MIPEP: variants seen among roughly 807,000 people sequenced by gnomAD.
The protein encoded by MIPEP is mitochondrial intermediate peptidase.
Under a neutral mutation model 90.3 loss-of-function variants are expected in MIPEP, and 79 were observed. The ratio of observed to expected loss-of-function variants is 0.87; its 90% CI spans 0.73 to 1.05. MIPEP has a LOEUF of 1.05. Ranked by LOEUF, MIPEP falls within the 50% of genes least tolerant of loss-of-function variation. The pLI, the probability that MIPEP is intolerant of heterozygous loss-of-function variation, is 0.00. For synonymous variants in MIPEP, 334 were observed against 315.8 expected (o/e 1.06, Z -0.61); for missense variants, 940 against 905.6 (o/e 1.04, Z -0.49).
chr13:23,793,090 G>A (rs1952916515), intron 16 of MIPEP, among the ~76,000 whole-genome samples: 1 of 152,184 alleles, frequency 6.6e-6, no homozygotes, highest in Non-Finnish European at 1.5e-5. Context: ...ATTTCACTCA[G>A]CTAAAATGAA....
intron 13 of MIPEP, among the ~76,000 whole-genome samples, chr13:23,837,116 G>A (rs1310549981): frequency 6.6e-6 from 1 of 152,186 alleles, no homozygotes; most frequent in Admixed American, 6.5e-5. Context: ...ACAGGGGAAA[G>A]TATATGAAAA....
intron 2 of MIPEP, among the ~76,000 whole-genome samples, chr13:23,885,775 C>T (rs1871451829): frequency 6.8e-6 from 1 of 147,462 alleles, no homozygotes; most frequent in South Asian, 2.1e-4. Context: ...TTTATTAAAA[C>T]TGGTTTTCAC....
intron 7 of MIPEP, among the ~76,000 whole-genome samples, chr13:23,867,183 C>A (rs1029241394): frequency 6.6e-6 from 1 of 152,160 alleles, no homozygotes; most frequent in Non-Finnish European, 1.5e-5. Flanking sequence ...ACCTGCTGCA[C>A]TTGCATCAAG....
chr13:23,800,525 A>T (rs1378800125), intron 16 of MIPEP, among the ~76,000 whole-genome samples: 1 of 152,208 alleles, frequency 6.6e-6, no homozygotes. Flanking sequence ...ACAAATGAGT[A>T]GAAAATTTTG....
intron 10 of MIPEP, among the ~76,000 whole-genome samples, chr13:23,842,733 G>A (rs2312558): frequency 0.76 from 115,043 of 152,144 alleles, 46,355 homozygotes; most frequent in Non-Finnish European, 0.89. Flanking sequence ...CAAAATGGGA[G>A]GGCAAAGGAG....
chr13:23,819,683 A>G (rs1191219589), intron 14 of MIPEP, among the ~76,000 whole-genome samples: 2 of 152,112 alleles, frequency 1.3e-5, no homozygotes, highest in Non-Finnish European at 2.9e-5. Flanking sequence ...TCTGAAATAC[A>G]GCGTAAATTC....
In MIPEP at chr13:23,882,658, ATATTT is replaced by A. The variant is rs947663752; in HGVS notation, c.364-876_364-872del. Among the ~76,000 whole-genome samples, 15 of 126,062 alleles carry A rather than the reference ATATTT, an allele frequency of 1.2e-4. No individual in the cohort carries two copies. In the East Asian group the frequency reaches 3.8e-3, roughly 32 times the overall value. The allele number at this position is 126,062 out of a possible 152,430, so 82.7% of individuals were successfully genotyped here. ...AAGCAGAGAAACTACAAAACACTAC[ATATTT>A]TATTTGCCAAGAAAATGTGACTATA... On this transcript the variant is annotated intron_variant, in intron 2 of 18. Coordinates refer to ENST00000382172, the MANE Select transcript of MIPEP (RefSeq NM_005932.4).
chr13:23,752,855 A>G (rs1338605409), intron 18 of MIPEP, among the ~76,000 whole-genome samples: 2 of 152,170 alleles, frequency 1.3e-5, no homozygotes, highest in African/African-American at 2.4e-5. Context: ...CATACTGTCA[A>G]TCTGCAAAGC....
At chr13:23,861,712 A>G (rs778939620) in intron 9 of MIPEP, among the ~76,000 whole-genome samples, 4 of 152,140 alleles carry the variant, frequency 2.6e-5, no homozygotes, top group Non-Finnish European at 1.5e-5. Flanking sequence ...ATGAGTCCTA[A>G]TATCTGGACT....
chr13:23,806,076 A>G lies in MIPEP; in HGVS notation c.1729-7T>C, dbSNP rs538730181. ...CCAGAGTGGCATAAAAGACCTAGAT[A>G]GATAAAAACATCTACTTAGTTTTGG... is the stretch of plus-strand genomic sequence containing the variant. On this transcript the variant is annotated splice_polypyrimidine_tract_variant and splice_region_variant and intron_variant, in intron 15 of 18. Transcript: ENST00000382172. 1 of 1,613,386 alleles carries G rather than the reference A, an allele frequency of 6.2e-7. No individual in the cohort carries two copies. The highest frequency in any genetic ancestry group is 1.3e-5 in the African/African-American group (1 of 75,014).
chr13:23,807,854 T>C (rs1029855843), intron 15 of MIPEP, among the ~76,000 whole-genome samples: 2 of 152,182 alleles, frequency 1.3e-5, no homozygotes, highest in South Asian at 4.1e-4. Context: ...ATGGGGTAAC[T>C]TTTTTGAATT....
chr13:23,841,765 T>C (rs1869309066), intron 10 of MIPEP, among the ~76,000 whole-genome samples: 1 of 152,194 alleles, frequency 6.6e-6, no homozygotes, highest in Non-Finnish European at 1.5e-5. Flanking sequence ...ACTAACCCAA[T>C]TAAGCAGTCT....
intron 15 of MIPEP, among the ~76,000 whole-genome samples, chr13:23,808,331 T>A (rs7339258): frequency 6.6e-6 from 1 of 151,818 alleles, no homozygotes; most frequent in Non-Finnish European, 1.5e-5. Context: ...GATCTCCTGA[T>A]CTCGTGATCC....
At chr13:23,838,527 C>T (rs1869158149) in intron 12 of MIPEP, among the ~76,000 whole-genome samples, 1 of 152,196 alleles carries the variant, frequency 6.6e-6, no homozygotes. Flanking sequence ...ATAACTTACT[C>T]TGAAACAGGC....
intron 18 of MIPEP, among the ~76,000 whole-genome samples, chr13:23,731,327 C>T (rs1228703882): frequency 6.6e-6 from 1 of 152,106 alleles, no homozygotes; most frequent in African/African-American, 2.4e-5. Context: ...ATTCAGTGAA[C>T]ATGAAGGAAG....
At chr13:23,750,813 T>C (rs1220992212) in intron 18 of MIPEP, among the ~76,000 whole-genome samples, 1 of 152,258 alleles carries the variant, frequency 6.6e-6, no homozygotes, top group Non-Finnish European at 1.5e-5. Flanking sequence ...ATTTAATACT[T>C]TGTATCACAT....
chr13:23,843,118 A>AG (rs1555238955), intron 10 of MIPEP, among the ~76,000 whole-genome samples: 2 of 151,628 alleles, frequency 1.3e-5, no homozygotes, highest in African/African-American at 2.4e-5. Flanking sequence ...AAAAAAAAAA[A>AG]AGGAATCAGA....
chr13:23,733,929 C>A (rs1369027152), intron 18 of MIPEP, among the ~76,000 whole-genome samples: 1 of 152,168 alleles, frequency 6.6e-6, no homozygotes, highest in Non-Finnish European at 1.5e-5. Flanking sequence ...AAATAATCTG[C>A]ATGCATGAAT....
chr13:23,879,720 G>GT (rs970472131), intron 3 of MIPEP, among the ~76,000 whole-genome samples: 2 of 152,088 alleles, frequency 1.3e-5, no homozygotes, highest in African/African-American at 4.8e-5. Context: ...TAAAAACACT[G>GT]TAAGGGAGAG....
Sources: allele counts gnomAD v4.1 joint callset (sites outside exome capture counted in the v4.1 genomes callset), GRCh38; gene constraint gnomAD v4.1.1; transcripts MANE v1.5; gene names NCBI Gene and HGNC (gene_info 2026-07-23, HGNC 2026-07-21).